MYRIP: variants seen among roughly 807,000 people sequenced by gnomAD.
MYRIP encodes myosin VIIA and Rab interacting protein.
In MYRIP, 49 loss-of-function variants were observed where a neutral mutation model predicts 98.0. The observed-to-expected ratio is 0.50, with a 90% confidence interval of 0.40 to 0.63. The LOEUF (loss-of-function observed/expected upper bound fraction) is 0.63, where lower values mean the gene tolerates loss of function less well. MYRIP is among the 30% of genes least tolerant of loss of function. MYRIP has a pLI of 0.00. For missense variants in MYRIP, 1,004 were observed against 1,058.2 expected (o/e 0.95, Z 0.71); for synonymous variants, 404 against 409.5 (o/e 0.99, Z 0.16).
At chr3:40,164,682 C>T (rs528496670) in intron 5 of MYRIP, among the ~76,000 whole-genome samples, 2 of 152,222 alleles carry the variant, frequency 1.3e-5, no homozygotes, top group Non-Finnish European at 2.9e-5. Context: ...ACTTTGGCCA[C>T]CTTGCCTTCT....
At chr3:39,966,728 CA>C (rs1489151411) in intron 2 of MYRIP, among the ~76,000 whole-genome samples, 1 of 152,194 alleles carries the variant, frequency 6.6e-6, no homozygotes. Flanking sequence ...TTTGCCGAAG[CA>C]ATGTAATTAG....
At chr3:40,069,350 A>G (rs898223174) in intron 3 of MYRIP, among the ~76,000 whole-genome samples, 1 of 151,440 alleles carries the variant, frequency 6.6e-6, no homozygotes, top group African/African-American at 2.4e-5. Flanking sequence ...AAAATTCACA[A>G]CAGATTCTAA....
At chr3:40,025,491 G>A (rs940915672) in intron 2 of MYRIP, among the ~76,000 whole-genome samples, 12 of 151,984 alleles carry the variant, frequency 7.9e-5, no homozygotes, top group Admixed American at 2.0e-4. Context: ...TGTTAATATT[G>A]TTATACTCTA....
intron 1 of MYRIP, among the ~76,000 whole-genome samples, chr3:39,830,273 C>T (rs1200522616): frequency 6.6e-6 from 1 of 152,218 alleles, no homozygotes; most frequent in African/African-American, 2.4e-5. Context: ...AAATCCTGAT[C>T]TTTACCTACT....
At chr3:39,851,211 T>C (rs577611428) in intron 1 of MYRIP, among the ~76,000 whole-genome samples, 1 of 150,634 alleles carries the variant, frequency 6.6e-6, no homozygotes, top group Non-Finnish European at 1.5e-5. Context: ...ATGATGGATG[T>C]ATGTATGTAT....
chr3:39,854,414 T>A (rs923462721), intron 1 of MYRIP, among the ~76,000 whole-genome samples: 4 of 152,106 alleles, frequency 2.6e-5, no homozygotes, highest in Non-Finnish European at 4.4e-5. Flanking sequence ...AAAGTTCTCT[T>A]TTCTTGTTCT....
chr3:40,173,077 G>C (rs1315173024), intron 8 of MYRIP: 1 of 152,176 alleles, frequency 6.6e-6, no homozygotes, highest in Admixed American at 6.5e-5. Flanking sequence ...ATCACAAAAA[G>C]CTTAAACAGT....
At position 39,896,049 on chromosome 3, in the gene MYRIP, G is replaced by T. The variant is rs547885921; in HGVS notation, c.-30-4738G>T. ...CAGTTGGCCAACCACAGCCAGCTCTGTGAGAATTCTAAGGAGCATGTGTCA... is the reference window on the plus strand; with the variant it reads ...CAGTTGGCCAACCACAGCCAGCTCTTTGAGAATTCTAAGGAGCATGTGTCA... On this transcript the variant is annotated intron_variant, in intron 1 of 16. Coordinates refer to ENST00000302541, the MANE Select transcript of MYRIP (RefSeq NM_015460.4). 1.2e-3 allele frequency among the ~76,000 whole-genome samples: 178 copies of T among 152,354 alleles called. 2 individuals carry two copies. The South Asian group carries it at 0.036, about 30-fold the overall frequency.
chr3:40,206,206 T>C (rs910842888), intron 10 of MYRIP, among the ~76,000 whole-genome samples: 1 of 152,106 alleles, frequency 6.6e-6, no homozygotes, highest in Non-Finnish European at 1.5e-5. Flanking sequence ...GGGGGAAATA[T>C]GTGTGAGTTG....
intron 2 of MYRIP, among the ~76,000 whole-genome samples, chr3:40,009,545 A>G (rs554555226): frequency 6.6e-6 from 1 of 152,186 alleles, no homozygotes; most frequent in East Asian, 1.9e-4. Flanking sequence ...CCTGGCCCCA[A>G]CTGCTACTTT....
At chr3:39,994,220 T>C (rs1401355003) in intron 2 of MYRIP, among the ~76,000 whole-genome samples, 2 of 152,166 alleles carry the variant, frequency 1.3e-5, no homozygotes, top group Non-Finnish European at 2.9e-5. Context: ...ACACGGAGCA[T>C]GAGCCGAAGC....
At chr3:40,045,567 A>G (rs1575492676) in intron 3 of MYRIP, among the ~76,000 whole-genome samples, 2 of 152,198 alleles carry the variant, frequency 1.3e-5, no homozygotes, top group Admixed American at 6.5e-5. Context: ...AAGGTGGGGT[A>G]AGCCAAATTC....
intron 3 of MYRIP, among the ~76,000 whole-genome samples, chr3:40,085,328 C>A (rs1199621775): frequency 1.3e-5 from 2 of 152,196 alleles, no homozygotes; most frequent in South Asian, 2.1e-4. Context: ...ACTCTGTCAC[C>A]CAGGCTGGAG....
chr3:40,172,572 G>A (rs977346705), intron 8 of MYRIP, among the ~76,000 whole-genome samples: 3 of 152,156 alleles, frequency 2.0e-5, no homozygotes, highest in African/African-American at 4.8e-5. Flanking sequence ...TTATTTCCAC[G>A]TTTCAAAATA....
Position 39,955,105 on chromosome 3 carries a change from G to GATATTATAC in MYRIP, c.110+54181_110+54189dup, listed in dbSNP as rs540502668. 1.3e-3 allele frequency among the ~76,000 whole-genome samples: 203 copies of GATATTATAC among 152,258 alleles called. 2 individuals are homozygous for GATATTATAC. In the East Asian group the frequency reaches 0.037, roughly 28 times the overall value. ...AACCAAGTTGGAAAACACTCTGCAG[G>GATATTATAC]ATATTATACAGGAGAACTTCCCCAA... On this transcript the variant is annotated intron_variant, in intron 2 of 16. Transcript: ENST00000302541.
chr3:39,878,505 G>T (rs547658839), intron 1 of MYRIP, among the ~76,000 whole-genome samples: 1 of 152,132 alleles, frequency 6.6e-6, no homozygotes, highest in East Asian at 1.9e-4. Context: ...TTTTTCAACA[G>T]TATGCGCCTG....
At chr3:40,234,134 G>C in intron 12 of MYRIP, 81 bp downstream of exon 12, 1 of 1,398,880 alleles carries the variant, frequency 7.1e-7, no homozygotes, top group Non-Finnish European at 9.6e-7. Context: ...ATCGTGAAGA[G>C]TGCAAGGACA....
intron 2 of MYRIP, among the ~76,000 whole-genome samples, chr3:40,014,624 C>T (rs1398632594): frequency 1.3e-5 from 2 of 152,320 alleles, no homozygotes; most frequent in South Asian, 2.1e-4. Flanking sequence ...AAGCCTTACA[C>T]TCTTCCTGTA....
intron 7 of MYRIP, among the ~76,000 whole-genome samples, chr3:40,169,224 C>T (rs1950560124): frequency 6.6e-6 from 1 of 152,180 alleles, no homozygotes; most frequent in African/African-American, 2.4e-5. Context: ...GGCTGGGTCC[C>T]CACCCTGCCA....
Sources: gnomAD v4.1 joint callset for allele counts (sites outside exome capture counted in the v4.1 genomes callset) on GRCh38, gnomAD v4.1.1 for gene constraint, MANE v1.5 for transcripts, NCBI Gene and HGNC (gene_info 2026-07-23, HGNC 2026-07-21) for gene names.